The following MMP8 variants were observed in gnomAD, a reference collection of about 807,000 sequenced individuals.
MMP8 encodes the protein matrix metallopeptidase 8.
In MMP8, 67 loss-of-function variants were observed where a neutral mutation model predicts 51.2. That is an observed-to-expected ratio of 1.31 (90% CI 1.08 to 1.60). The LOEUF is 1.60. Among genes scored for constraint, MMP8 ranks in the 40% most tolerant of loss-of-function variants. The pLI, the probability that MMP8 is intolerant of heterozygous loss-of-function variation, is 0.00. For synonymous variants in MMP8, 225 were observed against 191.0 expected, an observed-to-expected ratio of 1.18 and a Z score of -1.47; for missense variants, 654 against 558.1, an observed-to-expected ratio of 1.17 and a Z score of -1.73.
At chr11:102,713,531 C>T (rs1210850572) in intron 9 of MMP8, 74 bp from the exon 10 acceptor site, 2 of 1,279,866 alleles carry the variant, frequency 1.6e-6, no homozygotes, top group East Asian at 4.8e-5. Flanking sequence ...GAAAACCCTG[C>T]CCCTGTTCCA....
In MMP8 at chr11:102,716,388, TC is replaced by T; in HGVS notation, c.815del (p.Gly272AspfsTer12). ...GGTCACAGGGTTTGGGTGTGCTTGG[TC>T]CAGTAGGTTGGATAGGGTTGCTTGA... ...GLSSNPIQPT[G>X]PSTPKPCDPS... On this transcript the variant is annotated frameshift_variant, in exon 6 of 10. Transcript: ENST00000236826. LOFTEE classifies it high-confidence loss of function. 1.3e-6 allele frequency: 2 copies of T among 1,531,400 alleles called. 1 individual carries two copies. Among genetic ancestry groups the T allele is most frequent in the Middle Eastern group, 3.5e-4 (2 of 5,634 alleles). 94.9% of individuals were successfully genotyped at this position (1,531,400 alleles called of 1,614,324 possible).
At chr11:102,713,713 A>C in intron 9 of MMP8, 41 bp downstream of exon 9, 1 of 1,516,096 alleles carries the variant, frequency 6.6e-7, no homozygotes, top group East Asian at 2.3e-5. Context: ...TATAATAAAC[A>C]AACAAACAAC....
chr11:102,718,558 C>T lies in MMP8; in HGVS notation c.640G>A (p.Val214Ile), dbSNP rs1208208995. The T allele has an allele frequency of 3.1e-6, 5 of 1,613,806 alleles. No individual in the cohort carries two copies. Among genetic ancestry groups the T allele is most frequent in the Admixed American group, 1.7e-5 (1 of 59,962 alleles). ...GAATGGCCAAATTCATGAGCAGCAACAAGAAACAAGTTGTAATCTGAAATG... is the reference window on the plus strand; with the variant it reads ...GAATGGCCAAATTCATGAGCAGCAATAAGAAACAAGTTGTAATCTGAAATG... ...NTSANYNLFL[V>I]AAHEFGHSLG... The change falls in exon 5 of 10, where the codon GTT (valine) becomes ATT (isoleucine). Residue 214 changes from valine to isoleucine, a missense_variant. Physicochemically the swap from Val to Ile is conservative, Grantham distance 29 (BLOSUM62 3). Coordinates refer to ENST00000236826, the MANE Select transcript of MMP8 (RefSeq NM_002424.3).
chr11:102,724,581 G>C (rs1482031642), intron 1 of MMP8, among the ~76,000 whole-genome samples, 173 bp downstream of exon 1: 2 of 152,146 alleles, frequency 1.3e-5, no homozygotes, highest in Non-Finnish European at 2.9e-5. Context: ...GCTTTTAAAA[G>C]GCCTAGTCCT....
chr11:102,718,157 G>GA (rs1861357854), intron 5 of MMP8, among the ~76,000 whole-genome samples: 1 of 151,718 alleles, frequency 6.6e-6, no homozygotes, highest in East Asian at 1.9e-4. Context: ...TAAAAAAGAA[G>GA]AAAAAAATCC....
At chr11:102,719,522 T>C (rs967226348) in intron 4 of MMP8, among the ~76,000 whole-genome samples, 14 of 151,896 alleles carry the variant, frequency 9.2e-5, no homozygotes, top group African/African-American at 3.4e-4. Context: ...CCCATAGATT[T>C]TGAATAGCTG....
In MMP8 at chr11:102,714,762, T is replaced by TTATATATATATA. The variant is rs58774554; in HGVS notation, c.1037-65_1037-54dup. On this transcript the variant is annotated intron_variant, in intron 7 of 9. Coordinates refer to ENST00000236826, the MANE Select transcript of MMP8 (RefSeq NM_002424.3). Reference sequence around the variant, plus strand: ...ATACGACTTTTCCATTTTTACAAAATTATATATATATATATATATATATAT... The same window carrying TTATATATATATA: ...ATACGACTTTTCCATTTTTACAAAATTATATATATATATATATATATATATATATATATATAT... 5.1e-4 allele frequency: 90 copies of TTATATATATATA among 176,620 alleles called. 2 individuals carry two copies. Among genetic ancestry groups the TTATATATATATA allele is most frequent in the East Asian group, 1.5e-3 (6 of 3,928 alleles). 10.9% of individuals were successfully genotyped at this position (176,620 alleles called of 1,614,324 possible).
intron 4 of MMP8, 61 bp downstream of exon 4, chr11:102,721,340 A>G (rs200707423): frequency 3.4e-5 from 34 of 1,014,064 alleles, no homozygotes; most frequent in Non-Finnish European, 4.1e-5. Context: ...GTGTGTGTGT[A>G]TTCTAATCTG....
At chr11:102,718,612 G>A (rs1861378068) in intron 4 of MMP8, 37 bp from the exon 5 acceptor site, 6 of 1,610,344 alleles carry the variant, frequency 3.7e-6, no homozygotes, top group Non-Finnish European at 5.1e-6. Context: ...AGCTCAGTGT[G>A]GATCCCAGGG....
rs953807912 is a variant in MMP8 at position 102,712,770 on chromosome 11, C to T, written c.*578G>A. The T allele has an allele frequency of 1.3e-5, 2 of 152,332 alleles. No individual in the cohort carries two copies. The highest frequency in any genetic ancestry group is 4.8e-5 in the African/African-American group (2 of 41,420). 9.4% of individuals were successfully genotyped at this position (152,332 alleles called of 1,614,324 possible). A position where few individuals can be genotyped will look rare whatever the true frequency, so the allele number is the denominator to read the frequency against. ...TTAACTAATTACATCTGCAAAGACCCTGGTAAGCTCACATTCATGGGTACC... is the reference window on the plus strand; with the variant it reads ...TTAACTAATTACATCTGCAAAGACCTTGGTAAGCTCACATTCATGGGTACC... On this transcript the variant is annotated 3_prime_UTR_variant, in exon 10 of 10. Transcript: ENST00000236826.
intron 4 of MMP8, 147 bp from the exon 5 acceptor site, chr11:102,718,722 C>G: frequency 1.2e-6 from 1 of 858,164 alleles, no homozygotes. Flanking sequence ...TTTCAGATAC[C>G]TGAGAAAGTG....
At position 102,724,864 on chromosome 11, in the gene MMP8, C is replaced by T. The variant is rs1472830154; in HGVS notation, c.-9G>A. 6.2e-7 allele frequency: 1 copy of T among 1,605,832 alleles called. No homozygotes were observed. Among genetic ancestry groups the T allele is most frequent in the Admixed American group, 1.7e-5 (1 of 59,488 alleles). On this transcript the variant is annotated 5_prime_UTR_variant, in exon 1 of 10. Transcript: ENST00000236826. ...GTCTTCAGGGAGAACATGATCTTCTCTTCAAACTCTACCCCTCCTGGCTTT... is the reference window on the plus strand; with the variant it reads ...GTCTTCAGGGAGAACATGATCTTCTTTTCAAACTCTACCCCTCCTGGCTTT...
At chr11:102,716,279 G>C in intron 6 of MMP8, 23 bp downstream of exon 6, 1 of 1,485,192 alleles carries the variant, frequency 6.7e-7, no homozygotes, top group Non-Finnish European at 9.3e-7. Context: ...GGAATCAAAG[G>C]AAGAAATATT....
intron 4 of MMP8, among the ~76,000 whole-genome samples, chr11:102,720,730 A>G (rs143236887): frequency 6.6e-5 from 10 of 152,308 alleles, no homozygotes; most frequent in African/African-American, 2.4e-4. Flanking sequence ...ACCACTGAAG[A>G]AGAGCTCCAA....
intron 8 of MMP8, 81 bp from the exon 9 acceptor site, chr11:102,713,938 CAA>C: frequency 2.3e-6 from 2 of 876,638 alleles, no homozygotes; most frequent in African/African-American, 3.5e-5. Context: ...ATATAATTTA[CAA>C]AGTCTCCTCA....
In MMP8 at chr11:102,722,652, G is replaced by A. The variant is rs780421506; in HGVS notation, c.124C>T (p.Gln42Ter). 1 of 1,613,642 alleles carries A rather than the reference G, an allele frequency of 6.2e-7. No individual in the cohort carries two copies. The highest frequency in any genetic ancestry group is 1.1e-5 in the South Asian group (1 of 91,050). The change falls in exon 2 of 10, where the codon CAA becomes TAA. Residue 42 changes from glutamine (Q) to a stop codon, truncating the protein, a stop_gained. Coordinates refer to ENST00000236826, the MANE Select transcript of MMP8 (RefSeq NM_002424.3). LOFTEE classifies it high-confidence loss of function. ...TVQDYLEKFY[Q>*]LPSNQYQSTR... ...GACTGATACTGGTTGCTTGGTAATT[G>A]GTAGAACTTTTCCAGGTAGTCCTGG...
intron 4 of MMP8, among the ~76,000 whole-genome samples, chr11:102,720,392 G>A (rs1408773485): frequency 6.6e-6 from 1 of 152,254 alleles, no homozygotes; most frequent in East Asian, 1.9e-4. Context: ...AACTAGTGAG[G>A]AGGGCAACAG....
At chr11:102,723,551 G>A (rs935764981) in intron 1 of MMP8, 3 of 454,246 alleles carry the variant, frequency 6.6e-6, no homozygotes, top group Non-Finnish European at 1.3e-5. Flanking sequence ...CTTGTGCTGT[G>A]TCATAACATG....
At chr11:102,720,395 G>A (rs1290922363) in intron 4 of MMP8, among the ~76,000 whole-genome samples, 4 of 152,106 alleles carry the variant, frequency 2.6e-5, no homozygotes, top group African/African-American at 7.2e-5. Flanking sequence ...TAGTGAGGAG[G>A]GCAACAGGGA....
Sources: gnomAD v4.1 joint callset for allele counts (sites outside exome capture counted in the v4.1 genomes callset) on GRCh38, gnomAD v4.1.1 for gene constraint, MANE v1.5 for transcripts, NCBI Gene and HGNC (gene_info 2026-07-23, HGNC 2026-07-21) for gene names.